Variants in TENM4 observed in about 807,000 individuals in gnomAD.
TENM4 encodes teneurin transmembrane protein 4, also known as teneurin-4.
Under a neutral mutation model 243.3 loss-of-function variants are expected in TENM4, and 82 were observed. That is an observed-to-expected ratio of 0.34 (90% confidence interval 0.28 to 0.40). TENM4 has a LOEUF of 0.40. Ranked by LOEUF, TENM4 falls within the 10% of genes least tolerant of loss-of-function variation. TENM4 has a pLI of 1.00. For missense variants in TENM4, 3,138 were observed against 3,673.3 expected, an observed-to-expected ratio of 0.85 and a Z score of 3.77; for synonymous variants, 1,412 against 1,456.3, an observed-to-expected ratio of 0.97 and a Z score of 0.69.
intron 12 of TENM4, among the ~76,000 whole-genome samples, chr11:78,837,544 C>CCAT (rs758482883): frequency 1.3e-5 from 2 of 152,186 alleles, no homozygotes; most frequent in Non-Finnish European, 2.9e-5. Context: ...CAGTGATCAA[C>CCAT]CTGATGAACC....
intron 3 of TENM4, among the ~76,000 whole-genome samples, chr11:79,183,860 A>T (rs1447328233): frequency 2.0e-5 from 3 of 152,234 alleles, no homozygotes; most frequent in Non-Finnish European, 4.4e-5. Flanking sequence ...AATAACAAGC[A>T]TTGGCAAAAA....
chr11:79,162,114 T>C (rs1448468586), intron 3 of TENM4, among the ~76,000 whole-genome samples: 1 of 152,178 alleles, frequency 6.6e-6, no homozygotes, highest in East Asian at 1.9e-4. Context: ...TCTGTCTAAC[T>C]ATAGGTCGAA....
chr11:78,872,915 G>A (rs898883129), intron 9 of TENM4, among the ~76,000 whole-genome samples: 4 of 152,216 alleles, frequency 2.6e-5, no homozygotes, highest in African/African-American at 7.2e-5. Context: ...ATTATTAGGA[G>A]AGGCCTTTTC....
At position 78,862,902 on chromosome 11, in the gene TENM4, G is replaced by C. The variant is rs1858858949; in HGVS notation, c.1255+60C>G. On this transcript the variant is annotated intron_variant, in intron 10 of 33. Coordinates refer to ENST00000278550, the MANE Select transcript of TENM4 (RefSeq NM_001098816.3). ...ACATGATGCACGCACGTTATGGAGG[G>C]CTCTTCAGCTCAGAGGCAGACACAG... 2.3e-6 allele frequency: 3 copies of C among 1,323,872 alleles called. No individual in the cohort carries two copies. In the East Asian group the frequency reaches 8.6e-5, roughly 38 times the overall value. The allele number at this position is 1,323,872 out of a possible 1,614,324, so 82.0% of individuals were successfully genotyped here.
At position 79,072,283 on chromosome 11, in the gene TENM4, C is replaced by T. The variant is rs116663622; in HGVS notation, c.-65-2274G>A. The stretch of plus-strand genomic sequence containing the variant: ...GAAGGATCACTACAGGCCAGGAGTC[C>T]GAGACCAGCCTGGGCACAGCAAGGC... On this transcript the variant is annotated intron_variant, in intron 4 of 33. Coordinates refer to ENST00000278550, the MANE Select transcript of TENM4 (RefSeq NM_001098816.3). Among the ~76,000 whole-genome samples, 510 of 152,102 alleles carry T rather than the reference C, an allele frequency of 3.4e-3. 3 individuals carry two copies. Among genetic ancestry groups the T allele is most frequent in the African/African-American group, 0.012 (486 of 41,494 alleles).
At chr11:79,353,774 G>T (rs1202971670) in intron 1 of TENM4, among the ~76,000 whole-genome samples, 2 of 147,852 alleles carry the variant, frequency 1.4e-5, no homozygotes, top group Non-Finnish European at 3.0e-5. Context: ...AAAAAAAGAG[G>T]GTTTACCACT....
intron 11 of TENM4, among the ~76,000 whole-genome samples, chr11:78,854,527 G>C (rs1472152497): frequency 6.6e-6 from 1 of 152,190 alleles, no homozygotes; most frequent in Non-Finnish European, 1.5e-5. Flanking sequence ...TCCTGTGAGT[G>C]AGGCATAATT....
chr11:79,314,638 A>G (rs1444324653), intron 1 of TENM4, among the ~76,000 whole-genome samples: 1 of 152,230 alleles, frequency 6.6e-6, no homozygotes, highest in Non-Finnish European at 1.5e-5. Flanking sequence ...TAGTCATATT[A>G]GTTACTTATT....
At chr11:79,222,229 C>T (rs1054598321) in intron 2 of TENM4, among the ~76,000 whole-genome samples, 1 of 152,172 alleles carries the variant, frequency 6.6e-6, no homozygotes, top group Non-Finnish European at 1.5e-5. Context: ...ATAACAGTTC[C>T]CACTTTTAAG....
intron 6 of TENM4, among the ~76,000 whole-genome samples, chr11:79,061,965 ATTTTTTT>A (rs10647135): frequency 7.0e-6 from 1 of 143,290 alleles, no homozygotes; most frequent in African/African-American, 2.6e-5. Context: ...GGTGGCAACT[ATTTTTTT>A]TTTTTTTTTG....
chr11:78,804,634 C>T, intron 15 of TENM4, among the ~76,000 whole-genome samples: 1 of 152,174 alleles, frequency 6.6e-6, no homozygotes, highest in East Asian at 1.9e-4. Context: ...TGTACAAACC[C>T]TGTGATGAAC....
intron 1 of TENM4, among the ~76,000 whole-genome samples, chr11:79,376,380 G>T (rs977071872): frequency 1.3e-5 from 2 of 152,332 alleles, no homozygotes; most frequent in East Asian, 3.9e-4. Context: ...AACAGGTTCA[G>T]TCTTGATCAC....
chr11:79,248,077 G>A (rs538294161), intron 2 of TENM4, among the ~76,000 whole-genome samples: 1 of 152,258 alleles, frequency 6.6e-6, no homozygotes, highest in South Asian at 2.1e-4. Flanking sequence ...AGATGACGTG[G>A]CTCATTGGGA....
At chr11:79,139,150 T>G (rs1248096855) in intron 4 of TENM4, among the ~76,000 whole-genome samples, 1 of 68,178 alleles carries the variant, frequency 1.5e-5, no homozygotes, top group East Asian at 4.1e-4. Flanking sequence ...TATAAATATA[T>G]AAAATATATA....
chr11:79,061,985 A>G (rs1860102287), intron 6 of TENM4, among the ~76,000 whole-genome samples: 1 of 141,428 alleles, frequency 7.1e-6, no homozygotes, highest in Non-Finnish European at 1.5e-5. Flanking sequence ...TTTTTTTGAC[A>G]GAGTCTAGCT....
chr11:79,421,447 T>C (rs1427640867), intron 1 of TENM4, among the ~76,000 whole-genome samples: 1 of 152,252 alleles, frequency 6.6e-6, no homozygotes, highest in African/African-American at 2.4e-5. Context: ...GTTATTAACA[T>C]TACTAACAAC....
chr11:79,044,682 G>GT (rs1161347718), intron 6 of TENM4, among the ~76,000 whole-genome samples: 1 of 152,304 alleles, frequency 6.6e-6, no homozygotes, highest in East Asian at 1.9e-4. Flanking sequence ...TAAGTCTCCT[G>GT]TTTTTGTGAT....
chr11:79,049,442 T>C (rs946029104), intron 6 of TENM4, among the ~76,000 whole-genome samples: 4 of 151,750 alleles, frequency 2.6e-5, no homozygotes, highest in East Asian at 3.9e-4. Context: ...AAGTATACAC[T>C]AGGGGGATCT....
At chr11:78,689,194 T>C (rs1858756979) in intron 28 of TENM4, among the ~76,000 whole-genome samples, 1 of 152,204 alleles carries the variant, frequency 6.6e-6, no homozygotes, top group Non-Finnish European at 1.5e-5. Context: ...CTCAGATCTA[T>C]TTGCTTCCAA....
Sources: gnomAD v4.1 joint callset for allele counts (sites outside exome capture counted in the v4.1 genomes callset) on GRCh38, gnomAD v4.1.1 for gene constraint, MANE v1.5 for transcripts, NCBI Gene and HGNC (gene_info 2026-07-23, HGNC 2026-07-21) for gene names.